Variants in LAMB4 observed in about 807,000 individuals in gnomAD.
LAMB4 encodes laminin subunit beta-4.
LAMB4 carries 196 observed loss-of-function variants against 199.2 expected under a neutral mutation model. The observed-to-expected ratio is 0.98, with a 90% CI of 0.88 to 1.11. The LOEUF is 1.11. Ranked by LOEUF, LAMB4 falls within the 50% of genes least tolerant of loss-of-function variation. The pLI, the probability that LAMB4 is intolerant of heterozygous loss-of-function variation, is 0.00. For missense variants in LAMB4, 2,080 were observed against 2,171.2 expected (o/e 0.96, Z 0.83); for synonymous variants, 744 against 770.6 (o/e 0.97, Z 0.57).
At chr7:108,026,605 A>T (rs2034847068) in intron 33 of LAMB4, 1 of 196,058 alleles carries the variant, frequency 5.1e-6, no homozygotes, top group African/African-American at 2.4e-5. Flanking sequence ...TATGCAGTGA[A>T]TAAATGACTG....
intron 22 of LAMB4, 52 bp downstream of exon 22, chr7:108,063,709 A>G: frequency 6.9e-7 from 1 of 1,454,016 alleles, no homozygotes; most frequent in Non-Finnish European, 9.7e-7. Context: ...CAACACACTT[A>G]TGAGCTGTCA....
chr7:108,129,862 C>T (rs569443034), intron 1 of LAMB4, among the ~76,000 whole-genome samples: 1 of 152,278 alleles, frequency 6.6e-6, no homozygotes, highest in South Asian at 2.1e-4. Flanking sequence ...AGCAGACTTG[C>T]TTTTCTTAAA....
chr7:108,055,823 G>A lies in LAMB4; in HGVS notation c.3564C>T (p.Ser1188=). 1 of 1,614,124 alleles carries A rather than the reference G, an allele frequency of 6.2e-7. No individual in the cohort carries two copies. The highest frequency in any genetic ancestry group is 8.5e-7 in the Non-Finnish European group (1 of 1,179,992). ...TTAACCCTTGCACCGCTTTGGAGAG[G>A]GAAGAAATGGTGTGGTCCCACTGAT... is the stretch of plus-strand genomic sequence containing the variant. ...CFDQWDHTIS[S]LSKAVQGLMR... Residue 1188 remains serine, a synonymous_variant, in exon 25 of 34, where the codon TCC becomes TCT. Coordinates refer to ENST00000388781, the MANE Select transcript of LAMB4 (RefSeq NM_007356.3).
the LAMB4 span, among the ~76,000 whole-genome samples, chr7:108,016,080 T>A: frequency 1.3e-5 from 2 of 152,112 alleles, no homozygotes; most frequent in African/African-American, 4.8e-5. Flanking sequence ...TAATACAGCC[T>A]AAGACCAGTT....
chr7:108,100,660 T>G lies in LAMB4; in HGVS notation c.1181-2078A>C, dbSNP rs146301569. ...GATTGATGTGCTCAAAATATTTGGT[T>G]TGTTATTTCCAAATCTCTTTCCAGA... On this transcript the variant is annotated intron_variant, in intron 10 of 33. Coordinates refer to ENST00000388781, the MANE Select transcript of LAMB4 (RefSeq NM_007356.3). Among the ~76,000 whole-genome samples, 558 of 152,364 alleles carry G rather than the reference T, an allele frequency of 3.7e-3. 1 individual carries two copies. The highest frequency in any genetic ancestry group is 6.3e-3 in the Non-Finnish European group (427 of 68,024).
At chr7:108,125,379 C>T (rs2038743404) in intron 1 of LAMB4, among the ~76,000 whole-genome samples, 1 of 152,206 alleles carries the variant, frequency 6.6e-6, no homozygotes, top group Admixed American at 6.5e-5. Flanking sequence ...GTGCTTCATT[C>T]TGTCTGGAAA....
chr7:108,099,363 A>G (rs2037739233), intron 10 of LAMB4, among the ~76,000 whole-genome samples: 1 of 152,200 alleles, frequency 6.6e-6, no homozygotes, highest in African/African-American at 2.4e-5. Flanking sequence ...TCATATGAAA[A>G]AGAATGTTGA....
rs1407699728 is a variant in LAMB4 at position 108,077,076 on chromosome 7, A to C, written c.2004-12T>G. 1.4e-5 allele frequency: 23 copies of C among 1,611,494 alleles called. No individual in the cohort carries two copies. Among genetic ancestry groups the C allele is most frequent in the African/African-American group, 2.7e-5 (2 of 74,782 alleles). On this transcript the variant is annotated splice_polypyrimidine_tract_variant and intron_variant, in intron 16 of 33. Coordinates refer to ENST00000388781, the MANE Select transcript of LAMB4 (RefSeq NM_007356.3). ...GAAGCAGCATGATTCTGTATTAAGA[A>C]AGATAAAGCAAAAATTCAGACCACA...
In LAMB4 at chr7:108,023,626, A is replaced by T. The variant is rs914657233; in HGVS notation, c.*413T>A. Reference sequence around the variant, plus strand: ...AAGCAAATCCAAATAAACATAAAATATAGGACAATCTAGTACATGCCATAC... The same window carrying T: ...AAGCAAATCCAAATAAACATAAAATTTAGGACAATCTAGTACATGCCATAC... On this transcript the variant is annotated 3_prime_UTR_variant, in exon 34 of 34. Coordinates refer to ENST00000388781, the MANE Select transcript of LAMB4 (RefSeq NM_007356.3). 1 of 152,802 alleles carries T rather than the reference A, an allele frequency of 6.5e-6. No individual in the cohort carries two copies. The highest frequency in any genetic ancestry group is 6.5e-5 in the Admixed American group (1 of 15,294). The allele number at this position is 152,802 out of a possible 1,614,324, so 9.5% of individuals were successfully genotyped here. A position where few individuals can be genotyped will look rare whatever the true frequency, so the allele number is the denominator to read the frequency against.
rs77978391 is a variant in LAMB4 at position 108,072,903 on chromosome 7, G to A, written c.2125-3018C>T. On this transcript the variant is annotated intron_variant, in intron 17 of 33. Transcript: ENST00000388781. Reference sequence around the variant, plus strand: ...CCATATGGGCTGGGGTTGGGGATGAGGGCAGCCAACCAGAGATAATTTACA... The same window carrying A: ...CCATATGGGCTGGGGTTGGGGATGAAGGCAGCCAACCAGAGATAATTTACA... Among the ~76,000 whole-genome samples, 917 of 152,332 alleles carry A rather than the reference G, an allele frequency of 6.0e-3. 4 individuals carry two copies. Among genetic ancestry groups the A allele is most frequent in the Non-Finnish European group, 1.0e-2 (677 of 68,022 alleles).
intron 11 of LAMB4, among the ~76,000 whole-genome samples, chr7:108,095,587 G>C (rs1488880224): frequency 6.6e-6 from 1 of 152,162 alleles, no homozygotes; most frequent in East Asian, 1.9e-4. Flanking sequence ...AGACAAGTAG[G>C]TGTAGCTAGT....
At chr7:108,043,941 A>G (rs1416041589) in intron 28 of LAMB4, 45 bp from the exon 29 acceptor site, 2 of 1,529,282 alleles carry the variant, frequency 1.3e-6, no homozygotes, top group Non-Finnish European at 1.8e-6. Flanking sequence ...CAATATACTC[A>G]ACAAAGTCAT....
intron 31 of LAMB4, among the ~76,000 whole-genome samples, chr7:108,031,994 T>C (rs2035055451): frequency 2.0e-5 from 3 of 152,244 alleles, no homozygotes; most frequent in Admixed American, 2.0e-4. Flanking sequence ...TTCTTAAACA[T>C]AGTAAACAAT....
chr7:108,068,859 A>G (rs2036435259), intron 18 of LAMB4, among the ~76,000 whole-genome samples: 3 of 151,558 alleles, frequency 2.0e-5, no homozygotes, highest in Admixed American at 6.6e-5. Flanking sequence ...ACACCTGGCT[A>G]ATTTTTAGTA....
At chr7:108,034,105 C>T (rs1273755115) in intron 31 of LAMB4, 103 bp downstream of exon 31, 2 of 1,093,354 alleles carry the variant, frequency 1.8e-6, no homozygotes, top group Non-Finnish European at 2.8e-6. Context: ...ATAATAATCC[C>T]ATCAGACTCG....
chr7:108,105,819 T>C lies in LAMB4; in HGVS notation c.868A>G (p.Met290Val). Residue 290 changes from methionine (M) to valine (V), a missense_variant and splice_region_variant, in exon 8 of 34, where the codon ATG (methionine) becomes GTG (valine). Transcript: ENST00000388781. ...MRGDVFSPPG[M>V]VHGQCVCQHN... The stretch of plus-strand genomic sequence containing the variant: ...GTTCTTTTGGATTAATAACTCACCA[T>C]TCCAGGAGGGCTGAAAACATCTCCC... The C allele has an allele frequency of 6.2e-7, 1 of 1,613,922 alleles. No homozygotes were observed. Among genetic ancestry groups the C allele is most frequent in the South Asian group, 1.1e-5 (1 of 91,088 alleles).
At position 108,066,364 on chromosome 7, in the gene LAMB4, C is replaced by T; in HGVS notation, c.2678+5G>A. The T allele has an allele frequency of 1.2e-6, 2 of 1,607,292 alleles. No individual in the cohort carries two copies. The highest frequency in any genetic ancestry group is 8.5e-7 in the Non-Finnish European group (1 of 1,174,034). ...TAAAAATTAAAGTGCATATGAATTC[C>T]ATACCTTTCACAGTTTCTGCCAGTT... On this transcript the variant is annotated splice_donor_5th_base_variant and intron_variant, in intron 20 of 33. Coordinates refer to ENST00000388781, the MANE Select transcript of LAMB4 (RefSeq NM_007356.3).
chr7:108,093,046 T>C (rs1193897746), intron 12 of LAMB4, among the ~76,000 whole-genome samples: 1 of 152,138 alleles, frequency 6.6e-6, no homozygotes, highest in African/African-American at 2.4e-5. Context: ...GAATAGAAGT[T>C]CTTCTACCAG....
At chr7:108,091,910 G>T in intron 13 of LAMB4, 134 bp from the exon 14 acceptor site, 1 of 854,428 alleles carries the variant, frequency 1.2e-6, no homozygotes, top group Non-Finnish European at 1.8e-6. Context: ...CCTGTGGGAA[G>T]ATGCAGAAAG....
Sources: allele counts gnomAD v4.1 joint callset (sites outside exome capture counted in the v4.1 genomes callset), GRCh38; gene constraint gnomAD v4.1.1; transcripts MANE v1.5; gene names NCBI Gene and HGNC (gene_info 2026-07-23, HGNC 2026-07-21).